RAI14: variants seen among roughly 807,000 people sequenced by gnomAD.
The protein encoded by RAI14 is retinoic acid induced 14.
A neutral mutation model predicts 115.4 loss-of-function variants in RAI14; 45 were observed. The observed-to-expected ratio is 0.39, with a 90% confidence interval of 0.31 to 0.50. The LOEUF (loss-of-function observed/expected upper bound fraction) is 0.50. Among genes scored for constraint, RAI14 ranks in the 20% least tolerant of loss-of-function variants. The pLI is 0.85. For synonymous variants in RAI14, 371 were observed against 415.4 expected (o/e 0.89, Z 1.30); for missense variants, 939 against 1,131.2 (o/e 0.83, Z 2.44).
chr5:34,761,513 C>T (rs1037396043), intron 3 of RAI14, among the ~76,000 whole-genome samples: 4 of 152,126 alleles, frequency 2.6e-5, no homozygotes, highest in East Asian at 1.9e-4. Context: ...GGTAATTTTG[C>T]GCTGGAATCT....
intron 3 of RAI14, among the ~76,000 whole-genome samples, chr5:34,786,694 T>C (rs34526643): frequency 0.027 from 4,097 of 152,188 alleles, 193 homozygotes; most frequent in African/African-American, 0.093. Context: ...TTCCAACTGT[T>C]GCTCTGGCGA....
At chr5:34,739,843 C>T (rs1745285733) in intron 2 of RAI14, among the ~76,000 whole-genome samples, 1 of 152,070 alleles carries the variant, frequency 6.6e-6, no homozygotes, top group South Asian at 2.1e-4. Flanking sequence ...GGGCGGATCA[C>T]CTGAGGTCAG....
chr5:34,794,530 A>T (rs1177496517), intron 3 of RAI14, among the ~76,000 whole-genome samples: 1 of 152,230 alleles, frequency 6.6e-6, no homozygotes, highest in Non-Finnish European at 1.5e-5. Flanking sequence ...CTGTAAATAG[A>T]TATTACACAT....
chr5:34,685,227 GA>G (rs11312533), intron 1 of RAI14: 64,531 of 146,824 alleles, frequency 0.44, 15,620 homozygotes, highest in South Asian at 0.62. Flanking sequence ...CACAAAAAAG[GA>G]AAAAAAAAAA....
At chr5:34,656,534 C>A (rs1260903026) in intron 1 of RAI14, 59 bp downstream of exon 1, 1 of 151,966 alleles carries the variant, frequency 6.6e-6, no homozygotes, top group Non-Finnish European at 1.5e-5. Context: ...CTCGTGTCCC[C>A]GCCTTTGTGT....
At chr5:34,790,665 T>G (rs1246596228) in intron 3 of RAI14, among the ~76,000 whole-genome samples, 1 of 151,698 alleles carries the variant, frequency 6.6e-6, no homozygotes, top group Admixed American at 6.6e-5. Flanking sequence ...GCATTTTTTT[T>G]CTAAACCTAG....
At chr5:34,795,428 A>G (rs937068911) in intron 3 of RAI14, among the ~76,000 whole-genome samples, 1 of 152,204 alleles carries the variant, frequency 6.6e-6, no homozygotes, top group Non-Finnish European at 1.5e-5. Context: ...ATTGCATGCA[A>G]CTATTGTTAC....
At chr5:34,708,152 T>C (rs1740936114) in intron 2 of RAI14, among the ~76,000 whole-genome samples, 1 of 152,058 alleles carries the variant, frequency 6.6e-6, no homozygotes, top group Non-Finnish European at 1.5e-5. Context: ...TAATATACTC[T>C]TTAGAACCAC....
rs572210523 is a variant in RAI14 at position 34,824,089 on chromosome 5, A to T, written c.2247A>T (p.Glu749Asp). The change falls in exon 15 of 18, where the codon GAA becomes GAT. Residue 749 changes from glutamate to aspartate, a missense_variant. Glu to Asp is a conservative substitution (Grantham distance 45, BLOSUM62 2). Transcript: ENST00000265109. Reference protein sequence around the residue: ...TLRTAAKEMEEKISNLKEHLA... With the variant: ...TLRTAAKEMEDKISNLKEHLA... ...GGACTGCAGCAAAAGAGATGGAAGAAAAAATAAGCAATCTTAAGGAACACC... is the reference window on the plus strand; with the variant it reads ...GGACTGCAGCAAAAGAGATGGAAGATAAAATAAGCAATCTTAAGGAACACC... The T allele has an allele frequency of 6.2e-7, 1 of 1,614,228 alleles. No individual in the cohort carries two copies. The highest frequency in any genetic ancestry group is 1.1e-5 in the South Asian group (1 of 91,076).
In RAI14 at chr5:34,826,492, GT is replaced by G. The variant is rs745443025; in HGVS notation, c.2799+16del. Reference sequence around the variant, plus strand: ...GAACCAGCTGGCGGTGAGTGGGCTTGTTTCTGCTGCCTGGTTTGGGGTGGAG... The same window carrying G: ...GAACCAGCTGGCGGTGAGTGGGCTTGTTCTGCTGCCTGGTTTGGGGTGGAG... On this transcript the variant is annotated intron_variant, in intron 16 of 17. Coordinates refer to ENST00000265109, the MANE Select transcript of RAI14 (RefSeq NM_015577.3). 48 of 1,610,834 alleles carry G rather than the reference GT, an allele frequency of 3.0e-5. No individual in the cohort carries two copies. The highest frequency in any genetic ancestry group is 2.2e-5 in the Non-Finnish European group (26 of 1,178,154).
At chr5:34,728,281 T>C (rs972336230) in intron 2 of RAI14, among the ~76,000 whole-genome samples, 4 of 152,196 alleles carry the variant, frequency 2.6e-5, no homozygotes, top group African/African-American at 9.6e-5. Context: ...GACTGTGGAC[T>C]TTTGAGTTAA....
At chr5:34,759,915 C>T (rs1443695482) in intron 3 of RAI14, among the ~76,000 whole-genome samples, 2 of 152,118 alleles carry the variant, frequency 1.3e-5, no homozygotes, top group Non-Finnish European at 2.9e-5. Context: ...CCACAGTGAG[C>T]GCTTGATAAA....
intron 1 of RAI14, among the ~76,000 whole-genome samples, chr5:34,680,285 G>A (rs1397968915): frequency 6.6e-6 from 1 of 152,162 alleles, no homozygotes; most frequent in African/African-American, 2.4e-5. Context: ...GAGAAAAGAA[G>A]CTTATTGGGT....
chr5:34,698,572 A>G lies in RAI14; in HGVS notation c.36+11617A>G, dbSNP rs115309668. 9.5e-3 allele frequency among the ~76,000 whole-genome samples: 1,448 copies of G among 152,230 alleles called. 23 individuals carry two copies. Among genetic ancestry groups the G allele is most frequent in the African/African-American group, 0.031 (1,295 of 41,548 alleles). ...GAGAAGACTTCATAGAAGGTGAGTTAGGGGCTGAGCCATCACGATTGGGTA... is the reference window on the plus strand; with the variant it reads ...GAGAAGACTTCATAGAAGGTGAGTTGGGGGCTGAGCCATCACGATTGGGTA... On this transcript the variant is annotated intron_variant, in intron 2 of 17. Transcript: ENST00000265109.
At chr5:34,725,962 C>CAA (rs199657623) in intron 2 of RAI14, among the ~76,000 whole-genome samples, 32,718 of 113,476 alleles carry the variant, frequency 0.29, 4,522 homozygotes, top group African/African-American at 0.33. Context: ...AACTGCTTCT[C>CAA]AAAAAAAAAA....
At chr5:34,815,525 T>C (rs1756127494) in intron 12 of RAI14, among the ~76,000 whole-genome samples, 1 of 152,216 alleles carries the variant, frequency 6.6e-6, no homozygotes, top group African/African-American at 2.4e-5. Context: ...ATCGGGCCAC[T>C]GCACTCCAGC....
chr5:34,756,332 C>T (rs545152245), intron 2 of RAI14, among the ~76,000 whole-genome samples: 2 of 152,166 alleles, frequency 1.3e-5, no homozygotes, highest in East Asian at 1.9e-4. Context: ...TTTTAAGGGT[C>T]GATCGTAAAG....
intron 3 of RAI14, among the ~76,000 whole-genome samples, chr5:34,759,820 G>A (rs1748387655): frequency 6.6e-6 from 1 of 152,292 alleles, no homozygotes; most frequent in African/African-American, 2.4e-5. Context: ...GTACCAAAAA[G>A]GTTGGGGACT....
chr5:34,793,689 A>G (rs1753187238), intron 3 of RAI14, among the ~76,000 whole-genome samples: 1 of 152,242 alleles, frequency 6.6e-6, no homozygotes, highest in Non-Finnish European at 1.5e-5. Context: ...GCACATGGGC[A>G]GTAGACACTT....
Sources: allele counts gnomAD v4.1 joint callset (sites outside exome capture counted in the v4.1 genomes callset), GRCh38; gene constraint gnomAD v4.1.1; transcripts MANE v1.5; gene names NCBI Gene and HGNC (gene_info 2026-07-23, HGNC 2026-07-21).